MACF1: variants seen among roughly 807,000 people sequenced by gnomAD.
MACF1 encodes the protein microtubule-actin cross-linking factor 1.
A neutral mutation model predicts 854.8 loss-of-function variants in MACF1; 193 were observed. The observed-to-expected ratio is 0.23, with a 90% confidence interval of 0.20 to 0.25. MACF1 has a LOEUF of 0.25. MACF1 is among the 10% of genes least tolerant of loss of function. The probability of loss-of-function intolerance (pLI) is 1.00; values close to 1 mark genes in which losing one functional copy is unlikely to be tolerated. For missense variants in MACF1, 7,722 were observed against 8,929.1 expected (o/e 0.86, Z 5.45); for synonymous variants, 3,185 against 3,226.7 (o/e 0.99, Z 0.44).
intron 58 of MACF1, among the ~76,000 whole-genome samples, chr1:39,408,638 CAG>C (rs1004889430): frequency 6.6e-6 from 1 of 151,774 alleles, no homozygotes; most frequent in Admixed American, 6.6e-5. Flanking sequence ...TGGAGCGAGA[CAG>C]GGGCGGGAGG....
intron 6 of MACF1, among the ~76,000 whole-genome samples, chr1:39,258,776 G>A (rs1645124871): frequency 6.6e-6 from 1 of 152,210 alleles, no homozygotes; most frequent in African/African-American, 2.4e-5. Context: ...GGAATAGAAG[G>A]CAGGGTGCCG....
At chr1:39,432,095 C>G (rs567157793) in intron 66 of MACF1, among the ~76,000 whole-genome samples, 4 of 152,168 alleles carry the variant, frequency 2.6e-5, no homozygotes, top group South Asian at 2.1e-4. Context: ...CTTTTGGGGT[C>G]TTATGCTGCT....
At chr1:39,234,193 C>G (rs1644823245) in intron 2 of MACF1, among the ~76,000 whole-genome samples, 1 of 151,920 alleles carries the variant, frequency 6.6e-6, no homozygotes, top group South Asian at 2.1e-4. Context: ...CTACTTCTTT[C>G]TACACAGACA....
rs1642189147 is a variant in MACF1 at position 39,105,082 on chromosome 1, G to C, written c.220+20644G>C. On this transcript the variant is annotated intron_variant, in intron 2 of 93. Transcript: ENST00000361689. This position sits in a 1 kb window ranked among gnomAD's most constrained non-coding sequence, Gnocchi z 5.9. ...GTCTCCCTGCCGTTCGGCCGGCCCA[G>C]CCTTTCATCCTGACGCGCGGGGCCT... Among the ~76,000 whole-genome samples the C allele has an allele frequency of 2.6e-5, 4 of 152,272 alleles. 1 individual carries two copies. In the South Asian group the frequency reaches 8.3e-4, roughly 32 times the overall value.
chr1:39,146,724 G>A (rs966084550), intron 2 of MACF1, among the ~76,000 whole-genome samples: 15 of 152,046 alleles, frequency 9.9e-5, no homozygotes, highest in Non-Finnish European at 2.1e-4. Flanking sequence ...TCACAGGGAA[G>A]TGGGGGATGG....
At chr1:39,207,412 C>G (rs1644463918) in intron 1 of MACF1, among the ~76,000 whole-genome samples, 1 of 151,966 alleles carries the variant, frequency 6.6e-6, no homozygotes, top group African/African-American at 2.4e-5. Flanking sequence ...TCCTGAGTAG[C>G]TGGTAATACA....
rs200321927 is a variant in MACF1 at position 39,340,935 on chromosome 1, C to G, written c.10563C>G (p.Leu3521=). The G allele has an allele frequency of 1.6e-5, 25 of 1,608,100 alleles. No individual in the cohort carries two copies. The highest frequency in any genetic ancestry group is 1.7e-4 in the Middle Eastern group (1 of 6,032). ...NSEIDVDSLN[L]CLQQYEDLKQ... ...AAATAGATGTTGACAGCCTGAACCT[C>G]TGCCTCCAACAGTATGAGGTAAACT... Residue 3521 remains leucine, a synonymous_variant, in exon 40 of 101, where the codon CTC becomes CTG. Coordinates refer to ENST00000564288, the MANE Select transcript of MACF1 (RefSeq NM_001394062.1).
rs774522673 is a variant in MACF1, at chr1:39,318,456, A to G, written c.3786A>G (p.Gln1262=). 3.2e-5 allele frequency: 52 copies of G among 1,613,302 alleles called. No homozygotes were observed. Among genetic ancestry groups the G allele is most frequent in the Admixed American group, 1.0e-4 (6 of 59,868 alleles). Reference sequence around the variant, plus strand: ...CAGTTTCCCTTTGTTCTTCTAGCCAATCTGAGCTAGAAAGTATCCAGGAAG... The same window carrying G: ...CAGTTTCCCTTTGTTCTTCTAGCCAGTCTGAGCTAGAAAGTATCCAGGAAG... The part of the protein sequence containing the change: ...HRVIAQLEIR[Q]SELESIQEVL... The change falls in exon 30 of 101, where the codon CAA becomes CAG. Residue 1262 remains glutamine, a synonymous_variant. Transcript: ENST00000564288.
chr1:39,135,799 G>C (rs183985767), intron 2 of MACF1, among the ~76,000 whole-genome samples: 12 of 152,236 alleles, frequency 7.9e-5, no homozygotes, highest in Admixed American at 6.5e-4. Flanking sequence ...AAACTACTCT[G>C]TGTGCTTACA....
At chr1:39,254,421 A>G (rs1432983654) in intron 5 of MACF1, 46 bp downstream of exon 5, 11 of 1,550,572 alleles carry the variant, frequency 7.1e-6, no homozygotes, top group Non-Finnish European at 6.2e-6. Flanking sequence ...CTGTGTTGGC[A>G]TTGGGGCCCT....
At position 39,283,010 on chromosome 1, in the gene MACF1, A is replaced by G; in HGVS notation, c.696-179A>G. 1 of 558,962 alleles carries G rather than the reference A, an allele frequency of 1.8e-6. No individual in the cohort carries two copies. The highest frequency in any genetic ancestry group is 3.2e-6 in the Non-Finnish European group (1 of 315,778). 34.6% of individuals were successfully genotyped at this position (558,962 alleles called of 1,614,324 possible). ...TGTATGTTTAAGTTTAGCATTAGGG[A>G]GCACTGGGCCCCTGGTGTATACTTA... On this transcript the variant is annotated intron_variant, in intron 7 of 100. Coordinates refer to ENST00000564288, the MANE Select transcript of MACF1 (RefSeq NM_001394062.1). The surrounding 1 kb of genome is among the most constrained non-coding windows in gnomAD (Gnocchi z 4.5).
At chr1:39,412,614 A>G (rs777185507) in intron 58 of MACF1, 9 of 1,613,908 alleles carry the variant, frequency 5.6e-6, no homozygotes, top group Non-Finnish European at 7.6e-6. Context: ...TGAATGATAC[A>G]AAGCCTGAGC....
intron 1 of MACF1, among the ~76,000 whole-genome samples, chr1:39,229,560 G>A (rs1380485866): frequency 6.6e-6 from 1 of 152,106 alleles, no homozygotes; most frequent in East Asian, 1.9e-4. Flanking sequence ...AATGTTCTCT[G>A]TCTTGGAAAA....
At chr1:39,317,478 A>G (rs1646434609) in intron 29 of MACF1, 71 bp downstream of exon 29, 2 of 1,459,774 alleles carry the variant, frequency 1.4e-6, no homozygotes, top group South Asian at 1.3e-5. Context: ...ACAGAGTTAT[A>G]TCTGTACATT....
intron 26 of MACF1, among the ~76,000 whole-genome samples, chr1:39,314,565 T>TCA (rs1387509578): frequency 9.7e-4 from 50 of 51,774 alleles, no homozygotes; most frequent in Non-Finnish European, 1.9e-3. Flanking sequence ...TCTCTCTCTC[T>TCA]CTCTCACACA....
intron 40 of MACF1, among the ~76,000 whole-genome samples, chr1:39,345,847 C>T (rs1208509035): frequency 2.0e-5 from 3 of 152,042 alleles, no homozygotes; most frequent in Non-Finnish European, 4.4e-5. Context: ...GAGGGCAGAT[C>T]ACTTGAGGCC....
chr1:39,388,337 C>G lies in MACF1; in HGVS notation c.15495C>G (p.Phe5165Leu). The change falls in exon 58 of 101, where the codon TTC (phenylalanine) becomes TTG (leucine). Residue 5165 changes from phenylalanine to leucine, a missense_variant. Transcript: ENST00000564288. ...LQSQIEDVRL[F>L]LNKIHVLKLD... is the part of the protein sequence containing the mutation. ...CCCAAATCGAGGATGTCCGGCTATT[C>G]CTTAACAAAATTCACGTCCTCAAAT... 1 of 1,614,174 alleles carries G rather than the reference C, an allele frequency of 6.2e-7. No individual in the cohort carries two copies. Among genetic ancestry groups the G allele is most frequent in the Non-Finnish European group, 8.5e-7 (1 of 1,180,036 alleles).
At chr1:39,377,298 C>T (rs1309468246) in intron 52 of MACF1, among the ~76,000 whole-genome samples, 1 of 152,178 alleles carries the variant, frequency 6.6e-6, no homozygotes, top group Non-Finnish European at 1.5e-5. Flanking sequence ...AGGTGTGAGC[C>T]ACCGCGCCCG....
chr1:39,124,635 A>G (rs985003364), intron 2 of MACF1, among the ~76,000 whole-genome samples: 7 of 152,100 alleles, frequency 4.6e-5, no homozygotes, highest in African/African-American at 1.7e-4. Flanking sequence ...CAGTTTTATA[A>G]AGCTGTATTG....
Sources: gnomAD v4.1 joint callset for allele counts (sites outside exome capture counted in the v4.1 genomes callset) on GRCh38, gnomAD v4.1.1 for gene constraint, Gnocchi (gnomAD v3.1) non-coding constraint, MANE v1.5 for transcripts, NCBI Gene and HGNC (gene_info 2026-07-23, HGNC 2026-07-21) for gene names.